Variants in EEA1 observed in about 807,000 individuals in gnomAD.
The protein encoded by EEA1 is early endosome antigen 1, also known as early endosome antigen 1, 162kD.
In EEA1, 111 loss-of-function variants were observed where a neutral mutation model predicts 209.2. That is an observed-to-expected ratio of 0.53 (90% CI 0.45 to 0.62). The LOEUF (loss-of-function observed/expected upper bound fraction) is 0.62, where lower values mean the gene tolerates loss of function less well. Among genes scored for constraint, EEA1 ranks in the 20% least tolerant of loss-of-function variants. The probability of loss-of-function intolerance (pLI) is 0.00; values close to 1 mark genes in which losing one functional copy is unlikely to be tolerated. For synonymous variants in EEA1, 536 were observed against 540.6 expected, an observed-to-expected ratio of 0.99 and a Z score of 0.12; for missense variants, 1,343 against 1,530.8, an observed-to-expected ratio of 0.88 and a Z score of 2.05.
intron 3 of EEA1, among the ~76,000 whole-genome samples, chr12:92,863,642 T>TA (rs1238486164): frequency 3.3e-5 from 5 of 152,232 alleles, no homozygotes; most frequent in Non-Finnish European, 7.3e-5. Flanking sequence ...CATAAACTGT[T>TA]ATAGTTTTAA....
At chr12:92,912,669 T>C (rs1880620870) in intron 1 of EEA1, among the ~76,000 whole-genome samples, 1 of 152,170 alleles carries the variant, frequency 6.6e-6, no homozygotes, top group African/African-American at 2.4e-5. Context: ...CCTAATAATG[T>C]CACTGTACAG....
intron 15 of EEA1, among the ~76,000 whole-genome samples, chr12:92,814,402 C>T (rs774220523): frequency 5.9e-5 from 9 of 152,052 alleles, no homozygotes; most frequent in Non-Finnish European, 1.3e-4. Flanking sequence ...TATTTACATA[C>T]GGCATTTCAT....
chr12:92,888,376 C>T (rs943145053), intron 2 of EEA1, among the ~76,000 whole-genome samples: 1 of 152,004 alleles, frequency 6.6e-6, no homozygotes, highest in African/African-American at 2.4e-5. Flanking sequence ...GTCAGGAGAT[C>T]AAGACCATCC....
chr12:92,856,379 A>C (rs953510177), intron 5 of EEA1, among the ~76,000 whole-genome samples: 1 of 152,204 alleles, frequency 6.6e-6, no homozygotes, highest in Admixed American at 6.5e-5. Flanking sequence ...TCCTATTCAA[A>C]GAGAACCACT....
rs968551420 is a variant in EEA1, at chr12:92,787,851, G to A, written c.3150+16C>T. ...AAACTTACTGAGACTTTATGGTACAGTATAGTTTACTATACCTTAAGATCT... is the reference window on the plus strand; with the variant it reads ...AAACTTACTGAGACTTTATGGTACAATATAGTTTACTATACCTTAAGATCT... On this transcript the variant is annotated intron_variant, in intron 22 of 28. Coordinates refer to ENST00000322349, the MANE Select transcript of EEA1 (RefSeq NM_003566.4). 2 of 1,577,512 alleles carry A rather than the reference G, an allele frequency of 1.3e-6. No individual in the cohort carries two copies. The highest frequency in any genetic ancestry group is 1.7e-6 in the Non-Finnish European group (2 of 1,164,824).
At chr12:92,882,489 A>C (rs910446983) in intron 2 of EEA1, among the ~76,000 whole-genome samples, 2 of 149,134 alleles carry the variant, frequency 1.3e-5, no homozygotes, top group African/African-American at 5.0e-5. Flanking sequence ...CATGATGCTG[A>C]GCTTTGGGGT....
chr12:92,811,090 G>A (rs1287251684), intron 17 of EEA1, among the ~76,000 whole-genome samples, 189 bp downstream of exon 17: 1 of 151,956 alleles, frequency 6.6e-6, no homozygotes, highest in African/African-American at 2.4e-5. Context: ...TGCTCATTAA[G>A]GGAGACATTA....
intron 2 of EEA1, among the ~76,000 whole-genome samples, chr12:92,869,774 A>G (rs1338082660): frequency 6.8e-6 from 1 of 147,358 alleles, no homozygotes; most frequent in African/African-American, 2.5e-5. Flanking sequence ...AAAAAAAAAA[A>G]AAAAAAAAAA....
Position 92,891,737 on chromosome 12 carries a change from T to C in EEA1, c.25-16A>G. 6.4e-7 allele frequency: 1 copy of C among 1,572,296 alleles called. No homozygotes were observed. Among genetic ancestry groups the C allele is most frequent in the Non-Finnish European group, 8.6e-7 (1 of 1,158,382 alleles). On this transcript the variant is annotated splice_polypyrimidine_tract_variant and intron_variant, in intron 1 of 28. Coordinates refer to ENST00000322349, the MANE Select transcript of EEA1 (RefSeq NM_003566.4). ...TCCCAGGAGTCTGGAACACAAACAG[T>C]AGGGAGGAAAAAAAAACAAAGCAGA...
intron 2 of EEA1, chr12:92,879,224 TG>T: frequency 3.3e-6 from 1 of 302,780 alleles, no homozygotes; most frequent in Non-Finnish European, 6.4e-6. Context: ...TTTTGTATTT[TG>T]GAATATTTAC....
chr12:92,778,077 C>A lies in EEA1; in HGVS notation c.3757G>T (p.Val1253Leu). The A allele has an allele frequency of 1.2e-6, 2 of 1,613,460 alleles. No individual in the cohort carries two copies. The highest frequency in any genetic ancestry group is 1.7e-4 in the Middle Eastern group (1 of 6,058). The change falls in exon 26 of 29, where the codon GTG (valine) becomes TTG (leucine). Residue 1253 changes from valine (V) to leucine (L), a missense_variant. Around this residue, in one of 3 missense-constraint regions of EEA1, gnomAD observed 1,307 missense variants for 1,465.5 expected, o/e 0.89. Coordinates refer to ENST00000322349, the MANE Select transcript of EEA1 (RefSeq NM_003566.4). ...ITALNENLGT[V>L]KKEWQSSQRR... ...TGACTAGATTGCCACTCCTTCTTCA[C>A]AGTGCCTAAGTTTTCATTTAATGCT...
intron 1 of EEA1, among the ~76,000 whole-genome samples, chr12:92,893,877 C>T (rs1034809834): frequency 2.6e-5 from 4 of 151,744 alleles, no homozygotes; most frequent in African/African-American, 9.7e-5. Flanking sequence ...CATGCAGATA[C>T]TTTGCACATT....
In EEA1 at chr12:92,929,049, T is replaced by A. The variant is rs755247929; in HGVS notation, c.18A>T (p.Leu6Phe). 6.3e-7 allele frequency: 1 copy of A among 1,596,838 alleles called. No individual in the cohort carries two copies. The highest frequency in any genetic ancestry group is 8.5e-7 in the Non-Finnish European group (1 of 1,172,344). The change falls in exon 1 of 29, where the codon TTA (leucine) becomes TTT (phenylalanine). Residue 6 changes from leucine (L) to phenylalanine (F), a missense_variant. Leu to Phe is a conservative substitution (Grantham distance 22). Around this residue, in one of 3 missense-constraint regions of EEA1, gnomAD observed 1,307 missense variants for 1,465.5 expected, o/e 0.89. Coordinates refer to ENST00000322349, the MANE Select transcript of EEA1 (RefSeq NM_003566.4). ...GACGGTTTCACTCTCTTACCCTCTG[T>A]AAAATCCTCCTTAACATGGTTTAAC... is the stretch of plus-strand genomic sequence containing the variant. MLRRI[L>F]QRTPGRVGSQ...
intron 5 of EEA1, among the ~76,000 whole-genome samples, chr12:92,856,132 AACATGCAAAGGGATTATTAATT>A (rs2136713596): frequency 6.6e-6 from 1 of 152,362 alleles, no homozygotes; most frequent in Non-Finnish European, 1.5e-5. Context: ...ATGCCAAGAT[AACATGCAAAGGGATTATTAATT>A]ACTTTACAAA....
chr12:92,913,863 G>GTCTCTACAATTTTTTTTTTTTTT (rs1880668425), intron 1 of EEA1, among the ~76,000 whole-genome samples: 1 of 152,140 alleles, frequency 6.6e-6, no homozygotes, highest in Non-Finnish European at 1.5e-5. Context: ...GTTTCACTAT[G>GTCTCTACAATTTTTTTTTTTTTT]TTGGCCAGGC....
chr12:92,780,037 T>C (rs1873835079), intron 24 of EEA1, among the ~76,000 whole-genome samples: 1 of 152,110 alleles, frequency 6.6e-6, no homozygotes. Flanking sequence ...TTCAATGAGA[T>C]CCAAACTCTT....
chr12:92,881,770 T>G (rs1259413371), intron 2 of EEA1, among the ~76,000 whole-genome samples: 1 of 152,188 alleles, frequency 6.6e-6, no homozygotes, highest in Non-Finnish European at 1.5e-5. Flanking sequence ...CTAAACAGTC[T>G]GAACTGTCCT....
Position 92,849,471 on chromosome 12 carries a change from T to C in EEA1, c.798+1640A>G, listed in dbSNP as rs75872103. On this transcript the variant is annotated intron_variant, in intron 9 of 28. Coordinates refer to ENST00000322349, the MANE Select transcript of EEA1 (RefSeq NM_003566.4). ...TAGATTTATCATTGTCTTCTGCTGATTAATAATACCAGTAGGACAAGAGCT... is the reference window on the plus strand; with the variant it reads ...TAGATTTATCATTGTCTTCTGCTGACTAATAATACCAGTAGGACAAGAGCT... Among the ~76,000 whole-genome samples the C allele has an allele frequency of 4.9e-4, 74 of 152,306 alleles. 1 individual carries two copies. The East Asian group carries it at 9.6e-3, about 20-fold the overall frequency.
intron 3 of EEA1, chr12:92,859,359 A>C: frequency 1.2e-6 from 1 of 818,734 alleles, no homozygotes; most frequent in East Asian, 2.7e-5. Context: ...CTTCCTTCCT[A>C]AATTTTCCTG....
Sources: gnomAD v4.1 joint callset for allele counts (sites outside exome capture counted in the v4.1 genomes callset) on GRCh38, gnomAD v4.1.1 for gene constraint, gnomAD v4.1.1 regional missense constraint, MANE v1.5 for transcripts, NCBI Gene and HGNC (gene_info 2026-07-23, HGNC 2026-07-21) for gene names.